Variants in PCDHB7 observed in about 807,000 individuals in gnomAD.
The protein encoded by PCDHB7 is protocadherin beta 7.
For synonymous variants in PCDHB7, 542 were observed against 463.1 expected (o/e 1.17, Z -2.19); for missense variants, 1,148 against 1,011.6 (o/e 1.13, Z -1.83).
chr5:141,175,509 C>T lies in PCDHB7; in HGVS notation c.*292C>T. 1 of 420,614 alleles carries T rather than the reference C, an allele frequency of 2.4e-6. No individual in the cohort carries two copies. Among genetic ancestry groups the T allele is most frequent in the Admixed American group, 4.2e-5 (1 of 23,872 alleles). 26.1% of individuals were successfully genotyped at this position (420,614 alleles called of 1,614,324 possible). A position where few individuals can be genotyped will look rare whatever the true frequency, so the allele number is the denominator to read the frequency against. On this transcript the variant is annotated 3_prime_UTR_variant, in exon 1 of 1. Transcript: ENST00000231137. ...TGCTTTCCATTGTTTTCAATCTCTA[C>T]TGAGACTTCCTGAGTTGATTAGAAA...
At position 141,173,083 on chromosome 5, in the gene PCDHB7, A is replaced by T. The variant is rs200567567; in HGVS notation, c.248A>T (p.Asp83Val). 1 of 1,614,158 alleles carries T rather than the reference A, an allele frequency of 6.2e-7. No homozygotes were observed. The stretch of plus-strand genomic sequence containing the variant: ...TTACTGCTCAGTTCGCTTACTGGTG[A>T]TCTACTTCTAAATGAGAAATTGGAC... ...QILLLSSLTG[D>V]LLLNEKLDRE... Residue 83 changes from aspartate (D) to valine (V), a missense_variant, in exon 1 of 1, where the codon GAT becomes GTT. Physicochemically the swap from Asp to Val is radical, Grantham distance 152. Transcript: ENST00000231137.
In PCDHB7 at chr5:141,174,545, G is replaced by A. The variant is rs782472260; in HGVS notation, c.1710G>A (p.Ala570=). The stretch of plus-strand genomic sequence containing the variant: ...TGTACCCGCTGCAGAACAGCTCCGC[G>A]CCCTGCACCGAGCCGTTGCCCCGGG... ...FVLYPLQNSS[A]PCTEPLPRAA... is the part of the protein sequence containing the mutation. Residue 570 remains alanine, a synonymous_variant, in exon 1 of 1, where the codon GCG becomes GCA. Transcript: ENST00000231137. 4 of 1,609,970 alleles carry A rather than the reference G, an allele frequency of 2.5e-6. No homozygotes were observed. The African/African-American group carries it at 4.0e-5, about 16-fold the overall frequency.
In PCDHB7 at chr5:141,175,181, A is replaced by G. The variant is rs782057144; in HGVS notation, c.2346A>G (p.Glu782=). ...CCCAGAGCACAGGCAGGGAAGTGGA[A>G]GAAAATCGCCCATTTCAGAATAATT... ...LLPQSTGREV[E]ENRPFQNNLG... is the part of the protein sequence containing the mutation. The change falls in exon 1 of 1, where the codon GAA becomes GAG. Residue 782 remains glutamate, a synonymous_variant. Coordinates refer to ENST00000231137, the MANE Select transcript of PCDHB7 (RefSeq NM_018940.4). 5 of 1,609,944 alleles carry G rather than the reference A, an allele frequency of 3.1e-6. No homozygotes were observed. The highest frequency in any genetic ancestry group is 4.2e-6 in the Non-Finnish European group (5 of 1,178,136).
In PCDHB7 at chr5:141,173,138, C is replaced by T; in HGVS notation, c.303C>T (p.Pro101=). ...AGGAACTGTGTGGCCCCAGAGAGCC[C>T]TGTGTGCTGCCTTTCCAGTTGTTAT... ...DREELCGPRE[P]CVLPFQLLLE... The change falls in exon 1 of 1, where the codon CCC becomes CCT. Residue 101 remains proline (P), a synonymous_variant. Transcript: ENST00000231137. The T allele has an allele frequency of 6.2e-7, 1 of 1,614,160 alleles. No homozygotes were observed. The highest frequency in any genetic ancestry group is 1.7e-4 in the Middle Eastern group (1 of 6,058).
rs1305927693 is a variant in PCDHB7 at position 141,175,691 on chromosome 5, A to G, written c.*474A>G. The G allele has an allele frequency of 1.1e-5, 2 of 179,500 alleles. No individual in the cohort carries two copies. The highest frequency in any genetic ancestry group is 4.8e-5 in the African/African-American group (2 of 41,506). The allele number at this position is 179,500 out of a possible 1,614,324, so 11.1% of individuals were successfully genotyped here. On this transcript the variant is annotated 3_prime_UTR_variant, in exon 1 of 1. Transcript: ENST00000231137. ...CATGGTATTTTAGGAATGAACAAAT[A>G]GATGGTCTTAGAGATTCAGTAAGTT... is the stretch of plus-strand genomic sequence containing the variant.
At position 141,174,567 on chromosome 5, in the gene PCDHB7, C is replaced by A; in HGVS notation, c.1732C>A (p.Arg578=). The change falls in exon 1 of 1, where the codon CGG becomes AGG. Residue 578 remains arginine (R), a synonymous_variant. Transcript: ENST00000231137. ...CGCGCCCTGCACCGAGCCGTTGCCC[C>A]GGGCGGCCGAGCCGGGCTACCTGGT... ...SSAPCTEPLP[R]AAEPGYLVTK... 1.9e-6 allele frequency: 3 copies of A among 1,610,270 alleles called. No homozygotes were observed. Among genetic ancestry groups the A allele is most frequent in the Non-Finnish European group, 2.5e-6 (3 of 1,179,638 alleles).
chr5:141,176,022 C>T lies in PCDHB7; in HGVS notation c.*805C>T, dbSNP rs568445846. 7.8e-5 allele frequency: 13 copies of T among 167,302 alleles called. No homozygotes were observed. In the East Asian group the frequency reaches 9.6e-4, roughly 12 times the overall value. 10.4% of individuals were successfully genotyped at this position (167,302 alleles called of 1,614,324 possible). A position where few individuals can be genotyped will look rare whatever the true frequency, so the allele number is the denominator to read the frequency against. On this transcript the variant is annotated 3_prime_UTR_variant, in exon 1 of 1. Coordinates refer to ENST00000231137, the MANE Select transcript of PCDHB7 (RefSeq NM_018940.4). Reference sequence around the variant, plus strand: ...ATGCTCTGATCTGTCCAAACTCAAGCGGAAAACAAAATTGAAAGGGCAACC... The same window carrying T: ...ATGCTCTGATCTGTCCAAACTCAAGTGGAAAACAAAATTGAAAGGGCAACC...
chr5:141,173,098 A>G lies in PCDHB7; in HGVS notation c.263A>G (p.Glu88Gly), dbSNP rs782492322. 9.3e-6 allele frequency: 15 copies of G among 1,614,042 alleles called. No individual in the cohort carries two copies. The highest frequency in any genetic ancestry group is 1.3e-5 in the Non-Finnish European group (15 of 1,180,052). Residue 88 changes from glutamate to glycine, a missense_variant, in exon 1 of 1, where the codon GAG (glutamate) becomes GGG (glycine). Physicochemically the swap from Glu to Gly is moderately conservative, Grantham distance 98. Coordinates refer to ENST00000231137, the MANE Select transcript of PCDHB7 (RefSeq NM_018940.4). ...SSLTGDLLLNEKLDREELCGP... is the reference protein window; with the variant it reads ...SSLTGDLLLNGKLDREELCGP... ...CTTACTGGTGATCTACTTCTAAATG[A>G]GAAATTGGACCGAGAGGAACTGTGT...
chr5:141,172,891 T>C lies in PCDHB7; in HGVS notation c.56T>C (p.Val19Ala). 1 of 1,614,210 alleles carries C rather than the reference T, an allele frequency of 6.2e-7. No individual in the cohort carries two copies. Among genetic ancestry groups the C allele is most frequent in the South Asian group, 1.1e-5 (1 of 91,088 alleles). The change falls in exon 1 of 1, where the codon GTA becomes GCA. Residue 19 changes from valine (V) to alanine (A), a missense_variant. Transcript: ENST00000231137. ...VQKRQVLFLC[V>A]FLGMSWAGAE... The stretch of plus-strand genomic sequence containing the variant: ...AAAAGGCAAGTCTTATTTCTTTGTG[T>C]ATTTCTGGGAATGTCTTGGGCTGGC...
rs1554280062 is a variant in PCDHB7 at position 141,173,811 on chromosome 5, G to A, written c.976G>A (p.Gly326Arg). ...TLTIQAKDGG[G>R]LSGKCTVVVD... ...AACTATTCAGGCCAAAGACGGCGGC[G>A]GGCTTTCTGGAAAATGCACTGTAGT... Residue 326 changes from glycine (G) to arginine (R), a missense_variant, in exon 1 of 1, where the codon GGG (glycine) becomes AGG (arginine). Transcript: ENST00000231137. The A allele has an allele frequency of 1.2e-6, 2 of 1,614,180 alleles. No homozygotes were observed. Among genetic ancestry groups the A allele is most frequent in the Non-Finnish European group, 8.5e-7 (1 of 1,180,038 alleles).
At position 141,174,552 on chromosome 5, in the gene PCDHB7, A is replaced by G. The variant is rs782570362; in HGVS notation, c.1717A>G (p.Thr573Ala). Residue 573 changes from threonine (T) to alanine (A), a missense_variant, in exon 1 of 1, where the codon ACC becomes GCC. Physicochemically the swap from Thr to Ala is moderately conservative, Grantham distance 58. Transcript: ENST00000231137. ...GCTGCAGAACAGCTCCGCGCCCTGC[A>G]CCGAGCCGTTGCCCCGGGCGGCCGA... The part of the protein sequence containing the change: ...YPLQNSSAPC[T>A]EPLPRAAEPG... 11 of 1,609,912 alleles carry G rather than the reference A, an allele frequency of 6.8e-6. No individual in the cohort carries two copies. In the East Asian group the frequency reaches 2.2e-4, roughly 33 times the overall value.
Position 141,174,494 on chromosome 5 carries a change from C to G in PCDHB7, c.1659C>G (p.Asp553Glu). 6.2e-7 allele frequency: 1 copy of G among 1,611,198 alleles called. No homozygotes were observed. ...CGCTGGTGCGCGTGCTGGTGCTGGA[C>G]GCCAACGACAACTCGCCCTTCGTGC... ...SEALVRVLVL[D>E]ANDNSPFVLY... Residue 553 changes from aspartate (D) to glutamate (E), a missense_variant, in exon 1 of 1, where the codon GAC (aspartate) becomes GAG (glutamate). Physicochemically the swap from Asp to Glu is conservative, Grantham distance 45 (BLOSUM62 2). Coordinates refer to ENST00000231137, the MANE Select transcript of PCDHB7 (RefSeq NM_018940.4).
Position 141,173,327 on chromosome 5 carries a change from C to A in PCDHB7, c.492C>A (p.Thr164=). The change falls in exon 1 of 1, where the codon ACC becomes ACA. Residue 164 remains threonine (T), a synonymous_variant. Transcript: ENST00000231137. ...LESAQDSDVG[T]NSLSNYTISP... ...GTGCACAGGATTCAGATGTTGGAAC[C>A]AACAGCCTGAGTAACTACACCATCA... 1 of 1,613,916 alleles carries A rather than the reference C, an allele frequency of 6.2e-7. No homozygotes were observed. Among genetic ancestry groups the A allele is most frequent in the Non-Finnish European group, 8.5e-7 (1 of 1,179,918 alleles).
In PCDHB7 at chr5:141,173,939, T is replaced by C. The variant is rs782482490; in HGVS notation, c.1104T>C (p.Phe368=). ...CACCCGAGACAGTCGTGGCTGTTTT[T>C]AGGATTAGAGACAGAGATTCCGGGA... ...ENSPETVVAV[F]RIRDRDSGNN... is the part of the protein sequence containing the mutation. The change falls in exon 1 of 1, where the codon TTT becomes TTC. Residue 368 remains phenylalanine, a synonymous_variant. Coordinates refer to ENST00000231137, the MANE Select transcript of PCDHB7 (RefSeq NM_018940.4). The C allele has an allele frequency of 2.5e-6, 4 of 1,612,964 alleles. No homozygotes were observed. Among genetic ancestry groups the C allele is most frequent in the Non-Finnish European group, 2.5e-6 (3 of 1,179,096 alleles).
In PCDHB7 at chr5:141,173,871, G is replaced by T. The variant is rs782231110; in HGVS notation, c.1036G>T (p.Glu346Ter). The T allele has an allele frequency of 2.5e-6, 4 of 1,613,758 alleles. No individual in the cohort carries two copies. In the South Asian group the frequency reaches 3.3e-5, roughly 13 times the overall value. The change falls in exon 1 of 1, where the codon GAG becomes TAG. Residue 346 changes from glutamate to a stop codon, truncating the protein, a stop_gained. Transcript: ENST00000231137. LOFTEE classifies it low-confidence loss of function (END_TRUNC). ...DVTDINDNRPELLLSSLTSPI... is the reference protein window; with the variant it reads ...DVTDINDNRP ...AACAGATATAAACGATAATCGACCCGAGCTGCTCCTGTCTTCACTTACTAG... is the reference window on the plus strand; with the variant it reads ...AACAGATATAAACGATAATCGACCCTAGCTGCTCCTGTCTTCACTTACTAG...
At position 141,173,222 on chromosome 5, in the gene PCDHB7, C is replaced by A; in HGVS notation, c.387C>A (p.His129Gln). ...TATGGGTCAGAGACATCAATGATCA[C>A]GCTCCAGTATTTCTAGACAGAGAGA... ...AELWVRDINDHAPVFLDREIS... is the reference protein window; with the variant it reads ...AELWVRDINDQAPVFLDREIS... Residue 129 changes from histidine (H) to glutamine (Q), a missense_variant, in exon 1 of 1, where the codon CAC becomes CAA. By Grantham distance (24) the His-to-Gln change is conservative. Transcript: ENST00000231137. The A allele has an allele frequency of 6.2e-7, 1 of 1,614,070 alleles. No homozygotes were observed. The highest frequency in any genetic ancestry group is 1.7e-5 in the Admixed American group (1 of 60,010).
rs1554280132 is a variant in PCDHB7, at chr5:141,174,037, A to G, written c.1202A>G (p.Tyr401Cys). ...FILKPSVENFYTLVTEKPLDR... is the reference protein window; with the variant it reads ...FILKPSVENFCTLVTEKPLDR... ...CTGAAGCCATCTGTCGAAAACTTCT[A>G]TACTCTGGTAACAGAGAAACCTTTG... The change falls in exon 1 of 1, where the codon TAT (tyrosine) becomes TGT (cysteine). Residue 401 changes from tyrosine to cysteine, a missense_variant. Physicochemically the swap from Tyr to Cys is radical, Grantham distance 194 (BLOSUM62 -2). Coordinates refer to ENST00000231137, the MANE Select transcript of PCDHB7 (RefSeq NM_018940.4). The G allele has an allele frequency of 3.7e-6, 6 of 1,613,936 alleles. No individual in the cohort carries two copies. Among genetic ancestry groups the G allele is most frequent in the East Asian group, 2.2e-5 (1 of 44,888 alleles).
In PCDHB7 at chr5:141,174,435, A is replaced by T. The variant is rs17844463; in HGVS notation, c.1600A>T (p.Thr534Ser). 2.8e-5 allele frequency: 45 copies of T among 1,611,724 alleles called. No individual in the cohort carries two copies. Among genetic ancestry groups the T allele is most frequent in the South Asian group, 7.7e-5 (7 of 90,972 alleles). ...LQAFEFRVGA[T>S]DRGSPALSSE... ...GGCGTTCGAGTTCCGCGTGGGCGCC[A>T]CAGACCGCGGCTCCCCCGCGCTGAG... The change falls in exon 1 of 1, where the codon ACA becomes TCA. Residue 534 changes from threonine to serine, a missense_variant. Coordinates refer to ENST00000231137, the MANE Select transcript of PCDHB7 (RefSeq NM_018940.4).
chr5:141,174,424 G>C lies in PCDHB7; in HGVS notation c.1589G>C (p.Arg530Pro). The change falls in exon 1 of 1, where the codon CGC (arginine) becomes CCC (proline). Residue 530 changes from arginine (R) to proline (P), a missense_variant. Physicochemically the swap from Arg to Pro is moderately radical, Grantham distance 103. Coordinates refer to ENST00000231137, the MANE Select transcript of PCDHB7 (RefSeq NM_018940.4). ...DYEALQAFEF[R>P]VGATDRGSPA... ...GAGGCCCTGCAGGCGTTCGAGTTCC[G>C]CGTGGGCGCCACAGACCGCGGCTCC... The C allele has an allele frequency of 1.9e-6, 3 of 1,612,096 alleles. No individual in the cohort carries two copies. The highest frequency in any genetic ancestry group is 2.5e-6 in the Non-Finnish European group (3 of 1,179,762).
Sources: allele counts gnomAD v4.1 joint callset, GRCh38; gene constraint gnomAD v4.1.1; transcripts MANE v1.5; gene names NCBI Gene and HGNC (gene_info 2026-07-23, HGNC 2026-07-21).